GARRE1: variants seen among roughly 807,000 people sequenced by gnomAD.
GARRE1 encodes granule associated Rac and RHOG effector protein 1.
GARRE1 carries 49 observed loss-of-function variants against 103.2 expected under a neutral mutation model. That is an observed-to-expected ratio of 0.47 (90% CI 0.38 to 0.60). The LOEUF (loss-of-function observed/expected upper bound fraction) is 0.60, where lower values mean the gene tolerates loss of function less well. GARRE1 is among the 20% of genes least tolerant of loss of function. GARRE1 has a pLI of 0.00. For synonymous variants in GARRE1, 505 were observed against 532.8 expected, an observed-to-expected ratio of 0.95 and a Z score of 0.72; for missense variants, 1,199 against 1,370.5, an observed-to-expected ratio of 0.87 and a Z score of 1.98.
intron 1 of GARRE1, among the ~76,000 whole-genome samples, chr19:34,279,433 G>A (rs919301023): frequency 5.3e-5 from 8 of 151,884 alleles, no homozygotes; most frequent in Non-Finnish European, 1.2e-4. Flanking sequence ...AGCCTCCCAA[G>A]TAGCTGGGAC....
chr19:34,346,277 C>T (rs1555711894), intron 10 of GARRE1, among the ~76,000 whole-genome samples: 1 of 152,068 alleles, frequency 6.6e-6, no homozygotes, highest in Non-Finnish European at 1.5e-5. Flanking sequence ...TTTTTTGACA[C>T]TTTCTGTAAA....
chr19:34,317,547 T>G (rs1204276572), intron 2 of GARRE1, among the ~76,000 whole-genome samples: 4 of 152,090 alleles, frequency 2.6e-5, no homozygotes, highest in African/African-American at 9.7e-5. Context: ...GTGGGGAGAT[T>G]GAGGAAACCC....
chr19:34,345,674 T>C (rs2074207704), intron 10 of GARRE1, among the ~76,000 whole-genome samples: 1 of 151,984 alleles, frequency 6.6e-6, no homozygotes. Flanking sequence ...ACAAAAAAAT[T>C]AGCCAGGTGT....
intron 3 of GARRE1, among the ~76,000 whole-genome samples, chr19:34,322,008 C>T (rs768904277): frequency 2.6e-5 from 4 of 152,102 alleles, no homozygotes; most frequent in East Asian, 1.9e-4. Flanking sequence ...TGCAGGGAGC[C>T]GCTCCGGTGG....
chr19:34,306,328 G>A (rs920575421), intron 2 of GARRE1, among the ~76,000 whole-genome samples: 2 of 152,238 alleles, frequency 1.3e-5, no homozygotes, highest in African/African-American at 4.8e-5. Context: ...CCATTTAAGA[G>A]TTAGGACAAA....
intron 1 of GARRE1, among the ~76,000 whole-genome samples, chr19:34,284,388 G>GT (rs1408904186): frequency 6.6e-6 from 1 of 152,130 alleles, no homozygotes; most frequent in Non-Finnish European, 1.5e-5. Flanking sequence ...GCCTCCCAAA[G>GT]TACTGGGATT....
At chr19:34,304,808 T>C (rs1212265592) in intron 2 of GARRE1, among the ~76,000 whole-genome samples, 1 of 151,832 alleles carries the variant, frequency 6.6e-6, no homozygotes, top group Non-Finnish European at 1.5e-5. Flanking sequence ...ATTTATTTTT[T>C]TGAGACAGAG....
intron 2 of GARRE1, among the ~76,000 whole-genome samples, chr19:34,309,844 A>G (rs328412): frequency 0.78 from 118,055 of 152,134 alleles, 46,398 homozygotes; most frequent in African/African-American, 0.83. Flanking sequence ...AAAGGGGAGC[A>G]TTATTGAGTA....
chr19:34,277,054 A>G (rs566305759), intron 1 of GARRE1, among the ~76,000 whole-genome samples: 3 of 151,812 alleles, frequency 2.0e-5, no homozygotes, highest in Non-Finnish European at 2.9e-5. Context: ...GATGAACGGG[A>G]GGAGCATCAT....
intron 1 of GARRE1, among the ~76,000 whole-genome samples, chr19:34,257,523 G>A (rs1175800792): frequency 6.6e-6 from 1 of 151,666 alleles, no homozygotes; most frequent in Non-Finnish European, 1.5e-5. Flanking sequence ...TTTTCCTCCT[G>A]TAACTTTGTC....
At chr19:34,307,264 T>G (rs946476031) in intron 2 of GARRE1, among the ~76,000 whole-genome samples, 2 of 152,084 alleles carry the variant, frequency 1.3e-5, no homozygotes, top group Non-Finnish European at 2.9e-5. Context: ...GCCATTCTTT[T>G]GTAGTGAGCA....
intron 11 of GARRE1, chr19:34,348,767 C>T (rs1239724171): frequency 6.3e-6 from 3 of 475,494 alleles, no homozygotes; most frequent in Non-Finnish European, 1.1e-5. Context: ...GCTCTCCCTC[C>T]CTTGCTTTTT....
At chr19:34,296,278 A>C (rs2073947076) in intron 1 of GARRE1, 1 of 692,808 alleles carries the variant, frequency 1.4e-6, no homozygotes, top group Non-Finnish European at 2.6e-6. Context: ...AGAGATATCT[A>C]CTCTGAAGCC....
At position 34,262,494 on chromosome 19, in the gene GARRE1, C is replaced by T. The variant is rs796771159; in HGVS notation, c.-796+7880C>T. On this transcript the variant is annotated intron_variant, in intron 1 of 13. Transcript: ENST00000299505. ...TATTTTTAGTAGAGATGGGGTTTCA[C>T]CATATTGGCTAGGCTGGTCTGGAAC... Among the ~76,000 whole-genome samples the T allele has an allele frequency of 2.2e-4, 33 of 151,676 alleles. 1 individual carries two copies. Among genetic ancestry groups the T allele is most frequent in the African/African-American group, 6.5e-4 (27 of 41,382 alleles).
chr19:34,263,088 C>T (rs1193137586), intron 1 of GARRE1, among the ~76,000 whole-genome samples: 2 of 152,032 alleles, frequency 1.3e-5, no homozygotes, highest in South Asian at 2.1e-4. Context: ...TGGCGGGTGC[C>T]TGTAATCCCA....
intron 3 of GARRE1, among the ~76,000 whole-genome samples, chr19:34,321,311 C>T (rs141393454): frequency 1.9e-4 from 27 of 140,400 alleles, no homozygotes; most frequent in Middle Eastern, 4.6e-3. Context: ...CTCTTGACCT[C>T]GTGATCTGCC....
Position 34,296,704 on chromosome 19 carries a change from A to G in GARRE1, c.-795-2975A>G, listed in dbSNP as rs901311291. ...ATAGCATTTCTGTGCCATTTTCGGG[A>G]CTGGTTGTGTGTGGTATGGTTCTTG... On this transcript the variant is annotated intron_variant, in intron 1 of 13. Transcript: ENST00000299505. The G allele has an allele frequency of 1.6e-5, 12 of 751,242 alleles. No homozygotes were observed. In the African/African-American group the frequency reaches 2.1e-4, roughly 13 times the overall value. 46.5% of individuals were successfully genotyped at this position (751,242 alleles called of 1,614,324 possible).
At position 34,349,138 on chromosome 19, in the gene GARRE1, C is replaced by T; in HGVS notation, c.2810C>T (p.Ala937Val). The T allele has an allele frequency of 6.2e-7, 1 of 1,612,380 alleles. No individual in the cohort carries two copies. Among genetic ancestry groups the T allele is most frequent in the Non-Finnish European group, 8.5e-7 (1 of 1,179,978 alleles). Residue 937 changes from alanine (A) to valine (V), a missense_variant, in exon 12 of 14, where the codon GCT (alanine) becomes GTT (valine). Transcript: ENST00000299505. Reference protein sequence around the residue: ...SMFSGPDLVAAVKQRRKHSSG... With the variant: ...SMFSGPDLVAVVKQRRKHSSG... ...TTTTCAGGGCCTGACCTCGTTGCTGCTGTCAAGCAGAGAAGGTATGAAGGG... is the reference window on the plus strand; with the variant it reads ...TTTTCAGGGCCTGACCTCGTTGCTGTTGTCAAGCAGAGAAGGTATGAAGGG...
chr19:34,348,468 A>C, intron 11 of GARRE1: 1 of 158,652 alleles, frequency 6.3e-6, no homozygotes, highest in Admixed American at 6.5e-5. Flanking sequence ...TATTGAGAGA[A>C]TTGCAAATTT....
Sources: gnomAD v4.1 joint callset for allele counts (sites outside exome capture counted in the v4.1 genomes callset) on GRCh38, gnomAD v4.1.1 for gene constraint, MANE v1.5 for transcripts, NCBI Gene and HGNC (gene_info 2026-07-23, HGNC 2026-07-21) for gene names.